DHX36: variants seen among roughly 807,000 people sequenced by gnomAD.
The protein encoded by DHX36 is DEAH-box helicase 36, also known as ATP-dependent DNA/RNA helicase DHX36.
A neutral mutation model predicts 139.0 loss-of-function variants in DHX36; 50 were observed. The ratio of observed to expected loss-of-function variants is 0.36; its 90% CI spans 0.29 to 0.46. The LOEUF (loss-of-function observed/expected upper bound fraction) is 0.46, where lower values mean the gene tolerates loss of function less well. Ranked by LOEUF, DHX36 falls within the 20% of genes least tolerant of loss-of-function variation. DHX36 has a pLI of 1.00. For missense variants in DHX36, 1,024 were observed against 1,211.3 expected, an observed-to-expected ratio of 0.85 and a Z score of 2.29; for synonymous variants, 425 against 401.9, an observed-to-expected ratio of 1.06 and a Z score of -0.69.
chr3:154,311,958 C>T (rs995236570), intron 3 of DHX36: 66 of 274,932 alleles, frequency 2.4e-4, no homozygotes, highest in Admixed American at 1.9e-3. Context: ...CTAATAATTG[C>T]TAAATTACTT....
At position 154,324,214 on chromosome 3, in the gene DHX36, T is replaced by C; in HGVS notation, c.203A>G (p.Lys68Arg). 6.2e-7 allele frequency: 1 copy of C among 1,613,520 alleles called. No individual in the cohort carries two copies. The highest frequency in any genetic ancestry group is 1.7e-4 in the Middle Eastern group (1 of 6,058). ...TTCCTTGTTCTTCTGCCCCTGTTTT[T>C]TCGCGTACCACATGCCGATTTCGCG... The part of the protein sequence containing the change: ...KGREIGMWYA[K>R]KQGQKNKEAE... The change falls in exon 1 of 25, where the codon AAA becomes AGA. Residue 68 changes from lysine to arginine, a missense_variant. Coordinates refer to ENST00000496811, the MANE Select transcript of DHX36 (RefSeq NM_020865.3).
Position 154,306,559 on chromosome 3 carries a change from A to G in DHX36, c.814-264T>C, listed in dbSNP as rs551235271. Among the ~76,000 whole-genome samples the G allele has an allele frequency of 2.6e-5, 4 of 152,254 alleles. No homozygotes were observed. In the East Asian group the frequency reaches 7.7e-4, roughly 29 times the overall value. The stretch of plus-strand genomic sequence containing the variant: ...TGCCTTTCTATAGCATCCTCTCATT[A>G]ATTTATACTTTTCTGGTCTTTTCTA... On this transcript the variant is annotated intron_variant, in intron 5 of 24. Coordinates refer to ENST00000496811, the MANE Select transcript of DHX36 (RefSeq NM_020865.3).
intron 6 of DHX36, among the ~76,000 whole-genome samples, 184 bp downstream of exon 6, chr3:154,306,032 C>T (rs1276307866): frequency 6.6e-6 from 1 of 152,052 alleles, no homozygotes; most frequent in African/African-American, 2.4e-5. Flanking sequence ...AAAGGCAATA[C>T]AAGTCTGATG....
chr3:154,302,708 G>A (rs2108353318), intron 9 of DHX36, among the ~76,000 whole-genome samples: 1 of 152,232 alleles, frequency 6.6e-6, no homozygotes, highest in Non-Finnish European at 1.5e-5. Context: ...GTGAAAATCA[G>A]GCAGGAGAAC....
In DHX36 at chr3:154,315,070, A is replaced by G. The variant is rs1404875840; in HGVS notation, c.579T>C (p.Asn193=). The G allele has an allele frequency of 6.2e-7, 1 of 1,604,964 alleles. No homozygotes were observed. The highest frequency in any genetic ancestry group is 2.2e-5 in the East Asian group (1 of 44,742). ...KLLEDLQKKK[N]DLRYIEMQHF... ...CCTGCATTTCAATATACCGAAGGTCATTTTTTTTCTTTTGTAAATCTTCCA... is the reference window on the plus strand; with the variant it reads ...CCTGCATTTCAATATACCGAAGGTCGTTTTTTTTCTTTTGTAAATCTTCCA... The change falls in exon 3 of 25, where the codon AAT becomes AAC. Residue 193 remains asparagine, a synonymous_variant. Coordinates refer to ENST00000496811, the MANE Select transcript of DHX36 (RefSeq NM_020865.3).
Position 154,300,971 on chromosome 3 carries a change from G to C in DHX36, c.1358+16C>G. 3 of 1,609,188 alleles carry C rather than the reference G, an allele frequency of 1.9e-6. No individual in the cohort carries two copies. The highest frequency in any genetic ancestry group is 2.5e-6 in the Non-Finnish European group (3 of 1,179,026). Reference sequence around the variant, plus strand: ...TTTAGCCACTGATTTCTCACCTTCAGACAAAATAAACTTACCTTCTTCGCA... The same window carrying C: ...TTTAGCCACTGATTTCTCACCTTCACACAAAATAAACTTACCTTCTTCGCA... On this transcript the variant is annotated intron_variant, in intron 10 of 24. Coordinates refer to ENST00000496811, the MANE Select transcript of DHX36 (RefSeq NM_020865.3).
chr3:154,323,270 G>A (rs1480433209), intron 1 of DHX36, among the ~76,000 whole-genome samples: 2 of 152,104 alleles, frequency 1.3e-5, no homozygotes, highest in Non-Finnish European at 2.9e-5. Flanking sequence ...GGGAGGCGGA[G>A]GTTGCAGTGA....
At chr3:154,276,505 T>C in intron 24 of DHX36, 149 bp from the exon 25 acceptor site, 1 of 831,358 alleles carries the variant, frequency 1.2e-6, no homozygotes, top group East Asian at 2.7e-5. Context: ...TAAAGTGTGG[T>C]TATGAGTGAA....
At chr3:154,288,777 T>C (rs1326011159) in intron 17 of DHX36, 89 bp downstream of exon 17, 1 of 642,946 alleles carries the variant, frequency 1.6e-6, no homozygotes. Context: ...TGGTCTACTT[T>C]GCAGTAATGA....
At chr3:154,302,900 A>C (rs142559011) in intron 9 of DHX36, among the ~76,000 whole-genome samples, 3 of 152,256 alleles carry the variant, frequency 2.0e-5, no homozygotes, top group Non-Finnish European at 4.4e-5. Context: ...CAACACGGTG[A>C]AACTAGTTTC....
intron 17 of DHX36, among the ~76,000 whole-genome samples, chr3:154,286,808 A>T (rs1711565316): frequency 6.6e-6 from 1 of 151,988 alleles, no homozygotes; most frequent in Admixed American, 6.6e-5. Flanking sequence ...TTTTAAAAAA[A>T]TTTACTATTA....
rs762046431 is a variant in DHX36 at position 154,301,020 on chromosome 3, C to T, written c.1325G>A (p.Arg442His). 10 of 1,613,128 alleles carry T rather than the reference C, an allele frequency of 6.2e-6. No individual in the cohort carries two copies. Among genetic ancestry groups the T allele is most frequent in the African/African-American group, 4.0e-5 (3 of 74,852 alleles). The change falls in exon 10 of 25, where the codon CGT becomes CAT. Residue 442 changes from arginine (R) to histidine (H), a missense_variant. Transcript: ENST00000496811. Reference sequence around the variant, plus strand: ...CAGTTCCCTTACATAATCTGGCCAACGTTCTTTATATATTGCTTCTTTTTC... The same window carrying T: ...CAGTTCCCTTACATAATCTGGCCAATGTTCTTTATATATTGCTTCTTTTTC... ...KEEKEAIYKE[R>H]WPDYVRELRR...
rs764163892 is a variant in DHX36, at chr3:154,304,792, T to C, written c.1135+14A>G. ...AGTACCTTTTCTAATGTAATAACTA[T>C]ACATTTTACTCACCAAAATATTCTG... is the stretch of plus-strand genomic sequence containing the variant. On this transcript the variant is annotated intron_variant, in intron 8 of 24. Coordinates refer to ENST00000496811, the MANE Select transcript of DHX36 (RefSeq NM_020865.3). 1.4e-5 allele frequency: 22 copies of C among 1,523,558 alleles called. No individual in the cohort carries two copies. Among genetic ancestry groups the C allele is most frequent in the Middle Eastern group, 2.2e-4 (1 of 4,462 alleles). The allele number at this position is 1,523,558 out of a possible 1,614,324, so 94.4% of individuals were successfully genotyped here.
intron 1 of DHX36, 96 bp downstream of exon 1, chr3:154,324,078 C>T: frequency 7.5e-7 from 1 of 1,327,636 alleles, no homozygotes; most frequent in Non-Finnish European, 1.0e-6. Context: ...AAAACACGTG[C>T]ATCACTTAAG....
intron 5 of DHX36, 50 bp from the exon 6 acceptor site, chr3:154,306,345 T>G (rs1712501216): frequency 6.8e-7 from 1 of 1,464,742 alleles, no homozygotes; most frequent in Non-Finnish European, 9.5e-7. Flanking sequence ...TTAGAACAAA[T>G]ATCCTGAATG....
chr3:154,277,446 T>C, intron 23 of DHX36, 152 bp downstream of exon 23: 2 of 609,576 alleles, frequency 3.3e-6, no homozygotes, highest in South Asian at 4.2e-5. Flanking sequence ...ATTAAAAGAA[T>C]AGGTTATTTG....
intron 20 of DHX36, among the ~76,000 whole-genome samples, chr3:154,282,170 C>A (rs930624657): frequency 6.6e-6 from 1 of 152,066 alleles, no homozygotes; most frequent in Non-Finnish European, 1.5e-5. Flanking sequence ...TCAAAATAAA[C>A]GTTCAATTAC....
At chr3:154,276,439 A>T in intron 24 of DHX36, 83 bp from the exon 25 acceptor site, 1 of 1,309,492 alleles carries the variant, frequency 7.6e-7, no homozygotes, top group Non-Finnish European at 1.1e-6. Flanking sequence ...TTTACCTGAT[A>T]CAAGGAGTTT....
Position 154,300,657 on chromosome 3 carries a change from C to T in DHX36, c.1398G>A (p.Glu466=). Residue 466 remains glutamate, a synonymous_variant, in exon 11 of 25, where the codon GAG becomes GAA. Coordinates refer to ENST00000496811, the MANE Select transcript of DHX36 (RefSeq NM_020865.3). ...TCAAATTCAGATCAACTTTATCATC[C>T]TCCATCATTTCTATAACATCTACAG... ...ASTVDVIEMM[E]DDKVDLNLIV... The T allele has an allele frequency of 1.2e-6, 2 of 1,613,776 alleles. No homozygotes were observed. The highest frequency in any genetic ancestry group is 2.2e-5 in the East Asian group (1 of 44,798).
Sources: gnomAD v4.1 joint callset for allele counts (sites outside exome capture counted in the v4.1 genomes callset) on GRCh38, gnomAD v4.1.1 for gene constraint, MANE v1.5 for transcripts, NCBI Gene and HGNC (gene_info 2026-07-23, HGNC 2026-07-21) for gene names.